The following PRKAG2 variants were observed in gnomAD, a reference collection of about 807,000 sequenced individuals.
PRKAG2 encodes the protein 5'-AMP-activated protein kinase subunit gamma-2.
PRKAG2 carries 26 observed loss-of-function variants against 69.6 expected under a neutral mutation model. The ratio of observed to expected loss-of-function variants is 0.37; its 90% CI spans 0.27 to 0.52. The LOEUF (loss-of-function observed/expected upper bound fraction) is 0.52, where lower values mean the gene tolerates loss of function less well. Ranked by LOEUF, PRKAG2 falls within the 20% of genes least tolerant of loss-of-function variation. PRKAG2 has a pLI of 0.90. For synonymous variants in PRKAG2, 293 were observed against 285.0 expected (o/e 1.03, Z -0.28); for missense variants, 557 against 740.0 (o/e 0.75, Z 2.87).
rs183785713 is a variant in PRKAG2 at position 151,807,488 on chromosome 7, T to C, written c.115-20947A>G. The C allele has an allele frequency of 1.2e-3, 545 of 457,886 alleles. 10 individuals carry two copies. Among genetic ancestry groups the C allele is most frequent in the Non-Finnish European group, 1.4e-4 (31 of 226,986 alleles). The allele number at this position is 457,886 out of a possible 1,614,324, so 28.4% of individuals were successfully genotyped here. Reference sequence around the variant, plus strand: ...CCAAAGCACCATGGCGTGTTACACCTATCAGATCGGGCACACTGCCCCTTC... The same window carrying C: ...CCAAAGCACCATGGCGTGTTACACCCATCAGATCGGGCACACTGCCCCTTC... On this transcript the variant is annotated intron_variant, in intron 1 of 15. Coordinates refer to ENST00000287878, the MANE Select transcript of PRKAG2 (RefSeq NM_016203.4). This position sits in a 1 kb window ranked among gnomAD's most constrained non-coding sequence, Gnocchi z 4.4.
Position 151,595,850 on chromosome 7 carries a change from G to C in PRKAG2, c.755-396C>G, listed in dbSNP as rs528767779. Among the ~76,000 whole-genome samples, 5 of 152,188 alleles carry C rather than the reference G, an allele frequency of 3.3e-5. No individual in the cohort carries two copies. The East Asian group carries it at 7.7e-4, about 23-fold the overall frequency. ...AACAAAGACAAAGCTAATCGAATGG[G>C]GAAAAGTTGGAAGCTTTCCCTTCAA... is the stretch of plus-strand genomic sequence containing the variant. On this transcript the variant is annotated intron_variant, in intron 5 of 15. Coordinates refer to ENST00000287878, the MANE Select transcript of PRKAG2 (RefSeq NM_016203.4).
intron 5 of PRKAG2, among the ~76,000 whole-genome samples, chr7:151,629,949 G>A (rs755833333): frequency 1.4e-4 from 21 of 152,234 alleles, no homozygotes; most frequent in Admixed American, 3.9e-4. Context: ...CTGTATTTTG[G>A]ATGAATAAGC....
At position 151,842,450 on chromosome 7, in the gene PRKAG2, G is replaced by GGATGGTAGTGATGGTAGGTAGT. The variant is rs1563747003; in HGVS notation, c.114+34035_114+34056dup. ...TGGGGATGGTAGTGATGGTAGGTGGGGATGGTAGTGATGGTAGGTAGTGAT... is the reference window on the plus strand; with the variant it reads ...TGGGGATGGTAGTGATGGTAGGTGGGGATGGTAGTGATGGTAGGTAGTGATGGTAGTGATGGTAGGTAGTGAT... On this transcript the variant is annotated intron_variant, in intron 1 of 15. Coordinates refer to ENST00000287878, the MANE Select transcript of PRKAG2 (RefSeq NM_016203.4). Among the ~76,000 whole-genome samples the GGATGGTAGTGATGGTAGGTAGT allele has an allele frequency of 1.4e-3, 156 of 113,922 alleles. 3 individuals are homozygous for GGATGGTAGTGATGGTAGGTAGT. The highest frequency in any genetic ancestry group is 5.0e-3 in the African/African-American group (134 of 27,008). The allele number at this position is 113,922 out of a possible 152,430, so 74.7% of individuals were successfully genotyped here.
At chr7:151,797,704 G>C (rs2077627372) in intron 1 of PRKAG2, among the ~76,000 whole-genome samples, 1 of 152,222 alleles carries the variant, frequency 6.6e-6, no homozygotes, top group Admixed American at 6.5e-5. Flanking sequence ...AGGGAGTTCA[G>C]AGGAAGGAGG....
chr7:151,620,145 G>C (rs941469597), intron 5 of PRKAG2, among the ~76,000 whole-genome samples: 2 of 152,178 alleles, frequency 1.3e-5, no homozygotes, highest in African/African-American at 4.8e-5. Context: ...GCCCCCGCTG[G>C]CTGTCATGAG....
chr7:151,736,256 G>T (rs1281426838), intron 3 of PRKAG2: 2 of 1,325,690 alleles, frequency 1.5e-6, no homozygotes, highest in African/African-American at 2.9e-5. Flanking sequence ...TGCACCTCCG[G>T]CCACAGCAGC....
At chr7:151,714,045 TG>T (rs932171153) in intron 3 of PRKAG2, among the ~76,000 whole-genome samples, 1 of 152,070 alleles carries the variant, frequency 6.6e-6, no homozygotes, top group Non-Finnish European at 1.5e-5. Flanking sequence ...CAGTCAAGTG[TG>T]GGGGGTCACT....
At chr7:151,848,264 T>A (rs534089538) in intron 1 of PRKAG2, among the ~76,000 whole-genome samples, 2 of 152,240 alleles carry the variant, frequency 1.3e-5, no homozygotes, top group African/African-American at 4.8e-5. Context: ...AGAAATGGGT[T>A]ACTACTCTTA....
chr7:151,685,194 C>T (rs1010864171), intron 3 of PRKAG2, among the ~76,000 whole-genome samples: 22 of 152,136 alleles, frequency 1.4e-4, no homozygotes, highest in African/African-American at 5.1e-4. Flanking sequence ...ATTCTCCACC[C>T]TCCGTGTTGG....
intron 3 of PRKAG2, among the ~76,000 whole-genome samples, chr7:151,694,389 C>T (rs1836237745): frequency 6.6e-6 from 1 of 152,232 alleles, no homozygotes; most frequent in Non-Finnish European, 1.5e-5. Flanking sequence ...CCCCCACCAC[C>T]ACCATCTCCA....
intron 3 of PRKAG2, among the ~76,000 whole-genome samples, chr7:151,767,947 G>C (rs1176078651): frequency 2.6e-5 from 4 of 152,206 alleles, no homozygotes; most frequent in Non-Finnish European, 4.4e-5. Context: ...TCCTCTAGAA[G>C]CAGAGCCTGA....
chr7:151,579,865 C>A (rs1323142794), intron 6 of PRKAG2, among the ~76,000 whole-genome samples: 1 of 152,070 alleles, frequency 6.6e-6, no homozygotes, highest in Non-Finnish European at 1.5e-5. Flanking sequence ...GGCTGACTTT[C>A]CAGCAGAAAC....
At chr7:151,799,673 G>A (rs181618343) in intron 1 of PRKAG2, among the ~76,000 whole-genome samples, 32 of 152,266 alleles carry the variant, frequency 2.1e-4, no homozygotes, top group Admixed American at 5.2e-4. Flanking sequence ...TGACGGGCGC[G>A]GACACTCTGC....
chr7:151,560,412 A>G (rs377465301), intron 15 of PRKAG2, 112 bp downstream of exon 15: 2 of 1,605,900 alleles, frequency 1.2e-6, no homozygotes, highest in African/African-American at 1.3e-5. Context: ...AATATACTCA[A>G]AGCCTTGATC....
intron 3 of PRKAG2, among the ~76,000 whole-genome samples, chr7:151,686,946 A>G (rs963786457): frequency 1.3e-5 from 2 of 152,246 alleles, no homozygotes; most frequent in Non-Finnish European, 2.9e-5. Flanking sequence ...TTAAAAAAAA[A>G]ACTTTCAGGA....
rs1484042553 is a variant in PRKAG2, at chr7:151,874,079, GTA to G, written c.114+2426_114+2427del. ...ATATGTATATGTATATGATGTATAT[GTA>G]TATGTATATGATGTATATGTATATG... On this transcript the variant is annotated intron_variant, in intron 1 of 15. Transcript: ENST00000287878. Among the ~76,000 whole-genome samples, 188 of 145,360 alleles carry G rather than the reference GTA, an allele frequency of 1.3e-3. 3 individuals carry two copies. Among genetic ancestry groups the G allele is most frequent in the African/African-American group, 4.4e-3 (172 of 39,380 alleles).
At chr7:151,808,042 A>T (rs565825070) in intron 1 of PRKAG2, among the ~76,000 whole-genome samples, 1 of 152,232 alleles carries the variant, frequency 6.6e-6, no homozygotes, top group Admixed American at 6.5e-5. Flanking sequence ...CAGCAAGACG[A>T]CGGCAGATAT....
rs534364133 is a variant in PRKAG2, at chr7:151,829,882, C to T, written c.115-43341G>A. ...GAGTCCTGGAGGGGGACGGTGGCCCCGTGTACAGCCTGCGCAGCTGCCAGA... is the reference window on the plus strand; with the variant it reads ...GAGTCCTGGAGGGGGACGGTGGCCCTGTGTACAGCCTGCGCAGCTGCCAGA... On this transcript the variant is annotated intron_variant, in intron 1 of 15. Coordinates refer to ENST00000287878, the MANE Select transcript of PRKAG2 (RefSeq NM_016203.4). Among the ~76,000 whole-genome samples, 6 of 151,936 alleles carry T rather than the reference C, an allele frequency of 3.9e-5. No homozygotes were observed. The East Asian group carries it at 1.2e-3, about 29-fold the overall frequency.
intron 5 of PRKAG2, among the ~76,000 whole-genome samples, chr7:151,601,803 A>C (rs908330821): frequency 6.6e-6 from 1 of 152,366 alleles, no homozygotes; most frequent in Admixed American, 6.5e-5. Context: ...GGGATGCCGC[A>C]GGGAAGACAA....
Sources: allele counts gnomAD v4.1 joint callset (sites outside exome capture counted in the v4.1 genomes callset), GRCh38; gene constraint gnomAD v4.1.1; non-coding constraint Gnocchi (gnomAD v3.1); transcripts MANE v1.5; gene names NCBI Gene and HGNC (gene_info 2026-07-23, HGNC 2026-07-21).